UBXN7: variants seen among roughly 807,000 people sequenced by gnomAD.
The protein encoded by UBXN7 is UBX domain protein 7.
In UBXN7, 9 loss-of-function variants were observed where a neutral mutation model predicts 58.0. That is an observed-to-expected ratio of 0.16 (90% CI 0.09 to 0.27). The LOEUF (loss-of-function observed/expected upper bound fraction) is 0.27, where lower values mean the gene tolerates loss of function less well. Among genes scored for constraint, UBXN7 ranks in the 10% least tolerant of loss-of-function variants. The pLI is 1.00. For synonymous variants in UBXN7, 208 were observed against 205.0 expected, an observed-to-expected ratio of 1.01 and a Z score of -0.12; for missense variants, 328 against 599.6, an observed-to-expected ratio of 0.55 and a Z score of 4.73.
intron 3 of UBXN7, among the ~76,000 whole-genome samples, chr3:196,401,870 CTAT>C (rs200455864): frequency 0.022 from 1,593 of 71,352 alleles, 17 homozygotes; most frequent in Non-Finnish European, 0.04. Context: ...GAAAAACTAC[CTAT>C]TGGGTACTAC....
At chr3:196,407,616 T>G (rs762284530) in intron 1 of UBXN7, among the ~76,000 whole-genome samples, 2 of 152,104 alleles carry the variant, frequency 1.3e-5, no homozygotes, top group Non-Finnish European at 2.9e-5. Context: ...GTAATCATCC[T>G]TCATAATAAA....
intron 5 of UBXN7, among the ~76,000 whole-genome samples, chr3:196,388,018 C>T: frequency 6.6e-6 from 1 of 152,022 alleles, no homozygotes; most frequent in Non-Finnish European, 1.5e-5. Flanking sequence ...GCACTATTCA[C>T]AACAGCAAAG....
intron 5 of UBXN7, among the ~76,000 whole-genome samples, chr3:196,380,576 C>T (rs1025510016): frequency 9.2e-5 from 14 of 152,316 alleles, no homozygotes; most frequent in Middle Eastern, 3.4e-3. Context: ...AGAAGACGGA[C>T]GATTTCTGCA....
At chr3:196,374,881 G>A (rs1577442007) in intron 5 of UBXN7, among the ~76,000 whole-genome samples, 1 of 18,436 alleles carries the variant, frequency 5.4e-5, no homozygotes, top group Non-Finnish European at 1.2e-4. Flanking sequence ...GGGGAGGGGA[G>A]GGGAGGGGGA....
chr3:196,430,121 G>C (rs1730979395), intron 1 of UBXN7, among the ~76,000 whole-genome samples: 2 of 152,110 alleles, frequency 1.3e-5, no homozygotes, highest in South Asian at 4.1e-4. Context: ...TTGGGAGGCT[G>C]AGGTGAGTGG....
intron 1 of UBXN7, 169 bp downstream of exon 1, chr3:196,432,158 G>C: frequency 1.1e-6 from 1 of 897,450 alleles, no homozygotes; most frequent in Non-Finnish European, 1.8e-6. Context: ...GCTGTCTCCC[G>C]CCTGAACCCG....
intron 5 of UBXN7, among the ~76,000 whole-genome samples, chr3:196,376,539 C>G (rs1263833893): frequency 9.7e-5 from 9 of 93,024 alleles, no homozygotes; most frequent in African/African-American, 3.9e-4. Context: ...GAGCGAGACT[C>G]TGTCTCAAAA....
intron 6 of UBXN7, among the ~76,000 whole-genome samples, chr3:196,370,704 C>T (rs931362150): frequency 9.2e-5 from 14 of 151,464 alleles, no homozygotes; most frequent in African/African-American, 3.4e-4. Flanking sequence ...TTTTTATTTT[C>T]TATAACTTTT....
At chr3:196,376,550 AAAAAAAAAAAAAAAAAAAG>A (rs2108836645) in intron 5 of UBXN7, among the ~76,000 whole-genome samples, 1 of 141,438 alleles carries the variant, frequency 7.1e-6, no homozygotes, top group East Asian at 1.9e-4. Flanking sequence ...TGTCTCAAAA[AAAAAAAAAAAAAAAAAAAG>A]AAAAGAAAAG....
At chr3:196,388,472 T>C (rs1560229695) in intron 5 of UBXN7, among the ~76,000 whole-genome samples, 1 of 130,886 alleles carries the variant, frequency 7.6e-6, no homozygotes, top group Non-Finnish European at 1.7e-5. Context: ...AGCTACTGTT[T>C]GTTTTTTTTT....
chr3:196,432,370 G>A lies in UBXN7; in HGVS notation c.30C>T (p.Ser10=), dbSNP rs1731098965. The part of the protein sequence containing the change: MAAHGGSAA[S]SALKGLIQQF... ...GTTGAATTAACCCCTTCAGCGCCGAGGACGCCGCGGAGCCCCCGTGGGCAG... is the reference window on the plus strand; with the variant it reads ...GTTGAATTAACCCCTTCAGCGCCGAAGACGCCGCGGAGCCCCCGTGGGCAG... Residue 10 remains serine (S), a synonymous_variant, in exon 1 of 11, where the codon TCC becomes TCT. Coordinates refer to ENST00000296328, the MANE Select transcript of UBXN7 (RefSeq NM_015562.2). 5 of 1,597,112 alleles carry A rather than the reference G, an allele frequency of 3.1e-6. No homozygotes were observed. Among genetic ancestry groups the A allele is most frequent in the Non-Finnish European group, 1.7e-6 (2 of 1,168,002 alleles).
At chr3:196,429,684 A>T (rs1166637080) in intron 1 of UBXN7, among the ~76,000 whole-genome samples, 1 of 152,228 alleles carries the variant, frequency 6.6e-6, no homozygotes, top group Non-Finnish European at 1.5e-5. Context: ...AACCCCAAAA[A>T]AATTTTAAGA....
intron 3 of UBXN7, among the ~76,000 whole-genome samples, chr3:196,398,033 C>T (rs1729830180): frequency 6.6e-6 from 1 of 152,146 alleles, no homozygotes; most frequent in African/African-American, 2.4e-5. Flanking sequence ...CAGGATTGAA[C>T]AGAATGTGGC....
chr3:196,406,663 C>T (rs944521526), intron 2 of UBXN7, among the ~76,000 whole-genome samples: 5 of 151,836 alleles, frequency 3.3e-5, no homozygotes, highest in Non-Finnish European at 5.9e-5. Flanking sequence ...TCAAGCTGGT[C>T]TCGACCTCCT....
rs555731749 is a variant in UBXN7 at position 196,425,382 on chromosome 3, TA to T, written c.73+6944del. ...CATTATAGCCAAGTAACTCTTTCTTTAAAAAAAAAAAAAAGGTCAAATCAGA... is the reference window on the plus strand; with the variant it reads ...CATTATAGCCAAGTAACTCTTTCTTTAAAAAAAAAAAAAGGTCAAATCAGA... On this transcript the variant is annotated intron_variant, in intron 1 of 10. Transcript: ENST00000296328. Among the ~76,000 whole-genome samples, 1,143 of 140,520 alleles carry T rather than the reference TA, an allele frequency of 8.1e-3. 3 individuals are homozygous for T. The highest frequency in any genetic ancestry group is 8.7e-3 in the Non-Finnish European group (555 of 64,130). The allele number at this position is 140,520 out of a possible 152,430, so 92.2% of individuals were successfully genotyped here.
chr3:196,371,268 G>A (rs1348225752), intron 6 of UBXN7, among the ~76,000 whole-genome samples: 1 of 152,146 alleles, frequency 6.6e-6, no homozygotes, highest in Non-Finnish European at 1.5e-5. Flanking sequence ...AGGGGTGTAA[G>A]TATAAAATAC....
intron 1 of UBXN7, chr3:196,416,058 C>T (rs1030490801): frequency 7.2e-5 from 11 of 152,338 alleles, no homozygotes; most frequent in African/African-American, 2.6e-4. Context: ...GCAGAAAGAA[C>T]ATGTTGATGG....
At chr3:196,370,480 A>G (rs1728793846) in intron 6 of UBXN7, among the ~76,000 whole-genome samples, 1 of 151,630 alleles carries the variant, frequency 6.6e-6, no homozygotes, top group African/African-American at 2.4e-5. Flanking sequence ...AGAAAAAAGA[A>G]AAGAAAAGAA....
At chr3:196,407,720 AG>A (rs1200619567) in intron 1 of UBXN7, among the ~76,000 whole-genome samples, 1 of 152,208 alleles carries the variant, frequency 6.6e-6, no homozygotes, top group Non-Finnish European at 1.5e-5. Context: ...AAAAAGATAA[AG>A]AAAAATGAAA....
Sources: allele counts gnomAD v4.1 joint callset (sites outside exome capture counted in the v4.1 genomes callset), GRCh38; gene constraint gnomAD v4.1.1; transcripts MANE v1.5; gene names NCBI Gene and HGNC (gene_info 2026-07-23, HGNC 2026-07-21).